The following GALNT15 variants were observed in gnomAD, a reference collection of about 807,000 sequenced individuals.
The protein encoded by GALNT15 is UDP-GalNAc transferase T15.
A neutral mutation model predicts 66.8 loss-of-function variants in GALNT15; 67 were observed. The ratio of observed to expected loss-of-function variants is 1.00; its 90% CI spans 0.82 to 1.23. GALNT15 has a LOEUF of 1.23. Ranked by LOEUF, GALNT15 falls within the 50% of genes most tolerant of loss-of-function variation. The pLI is 0.00. For synonymous variants in GALNT15, 313 were observed against 311.5 expected (o/e 1.00, Z -0.05); for missense variants, 827 against 804.3 (o/e 1.03, Z -0.34).
rs946411305 is a variant in GALNT15 at position 16,219,676 on chromosome 3, A to T, written c.1524+142A>T. ...GGCCTTGGGTCCATCCCGTGCCTCC[A>T]TGCCAGTCTGAGGAAGGTGGCTGAG... On this transcript the variant is annotated intron_variant, in intron 7 of 9. Coordinates refer to ENST00000339732, the MANE Select transcript of GALNT15 (RefSeq NM_054110.5). The surrounding 1 kb of genome is among the most constrained non-coding windows in gnomAD (Gnocchi z 4.3). 3.2e-5 allele frequency: 39 copies of T among 1,227,818 alleles called. No homozygotes were observed. Among genetic ancestry groups the T allele is most frequent in the Non-Finnish European group, 4.2e-5 (37 of 871,568 alleles). The allele number at this position is 1,227,818 out of a possible 1,614,324, so 76.1% of individuals were successfully genotyped here.
chr3:16,244,661 A>G, the GALNT15 span, among the ~76,000 whole-genome samples: 3 of 152,222 alleles, frequency 2.0e-5, no homozygotes, highest in Non-Finnish European at 4.4e-5. Flanking sequence ...CGGCATGTAG[A>G]CAGTGCAAAG....
At chr3:16,236,936 C>G (rs1285657432), downstream of GALNT15, among the ~76,000 whole-genome samples, 1 of 152,174 alleles carries the variant, frequency 6.6e-6, no homozygotes, top group Admixed American at 6.5e-5. Flanking sequence ...GAGTAACTCT[C>G]AGTATCTTAG....
At chr3:16,232,047 A>T, downstream of GALNT15, 1 of 1,233,568 alleles carries the variant, frequency 8.1e-7, no homozygotes, top group Non-Finnish European at 1.1e-6. Flanking sequence ...GAAACTGTTC[A>T]GAGAGGGTGA....
intron 3 of GALNT15, among the ~76,000 whole-genome samples, chr3:16,207,397 G>A (rs1362882191): frequency 6.6e-6 from 1 of 151,434 alleles, no homozygotes; most frequent in African/African-American, 2.4e-5. Flanking sequence ...TATTGGCTAG[G>A]TGGATAGCAG....
intron 9 of GALNT15, among the ~76,000 whole-genome samples, chr3:16,226,517 T>C (rs2064020844): frequency 6.6e-6 from 1 of 152,264 alleles, no homozygotes; most frequent in Non-Finnish European, 1.5e-5. Flanking sequence ...AGCCCCGTCC[T>C]TACATGGCGG....
In GALNT15 at chr3:16,227,588, A is replaced by T; in HGVS notation, c.*88A>T. On this transcript the variant is annotated 3_prime_UTR_variant, in exon 10 of 10. Transcript: ENST00000339732. This position sits in a 1 kb window ranked among gnomAD's most constrained non-coding sequence, Gnocchi z 4.5. ...AGAGCTTATATATTTCATGAAGCTG[A>T]TCCTTTTGTGTGTGTGCTCCTGGTG... The T allele has an allele frequency of 6.2e-7, 1 of 1,607,536 alleles. No individual in the cohort carries two copies.
rs546028680 is a variant in GALNT15 at position 16,200,513 on chromosome 3, G to A, written c.707-106G>A. On this transcript the variant is annotated intron_variant, in intron 2 of 9. Transcript: ENST00000339732. The surrounding 1 kb of genome is among the most constrained non-coding windows in gnomAD (Gnocchi z 4.4). ...AATGTTTTCGGTTCTTAGGACCCAG[G>A]TGCTCACCACAGCTTCCAAAAGAGA... 744 of 841,298 alleles carry A rather than the reference G, an allele frequency of 8.8e-4. No homozygotes were observed. The highest frequency in any genetic ancestry group is 1.2e-3 in the Non-Finnish European group (690 of 572,792). The allele number at this position is 841,298 out of a possible 1,614,324, so 52.1% of individuals were successfully genotyped here.
chr3:16,240,437 CTCAG>C, the GALNT15 span, among the ~76,000 whole-genome samples: 168 of 152,268 alleles, frequency 1.1e-3, no homozygotes, highest in African/African-American at 3.8e-3. Flanking sequence ...TCAGCACAGA[CTCAG>C]TCAGAGTTGA....
At chr3:16,202,108 T>C (rs532401459) in intron 3 of GALNT15, among the ~76,000 whole-genome samples, 1 of 152,262 alleles carries the variant, frequency 6.6e-6, no homozygotes, top group South Asian at 2.1e-4. Flanking sequence ...CCTGGAGACA[T>C]AGGAGTTACC....
At chr3:16,220,667 T>A (rs1430863185) in intron 8 of GALNT15, among the ~76,000 whole-genome samples, 1 of 152,174 alleles carries the variant, frequency 6.6e-6, no homozygotes, top group Non-Finnish European at 1.5e-5. Flanking sequence ...AGTTATCACA[T>A]CCCAAAGGCC....
downstream of GALNT15, among the ~76,000 whole-genome samples, chr3:16,233,126 G>A (rs1426891420): frequency 3.1e-5 from 1 of 31,840 alleles, no homozygotes; most frequent in African/African-American, 1.3e-4. Context: ...AACGGAGTCT[G>A]GCTGTGTCAC....
Position 16,180,660 on chromosome 3 carries a change from G to A in GALNT15, c.539+4970G>A, listed in dbSNP as rs2063460539. Among the ~76,000 whole-genome samples the A allele has an allele frequency of 6.6e-6, 1 of 152,228 alleles. No homozygotes were observed. ...AGAAAGCGAGTGGAGAGCTGGTAGA[G>A]TTTGGGAAGTTTCCACGTAGGAAGC... On this transcript the variant is annotated intron_variant, in intron 1 of 9. Transcript: ENST00000339732. The surrounding 1 kb of genome is among the most constrained non-coding windows in gnomAD (Gnocchi z 5.0).
the GALNT15 span, among the ~76,000 whole-genome samples, chr3:16,244,389 G>A: frequency 6.6e-6 from 1 of 152,228 alleles, no homozygotes; most frequent in Non-Finnish European, 1.5e-5. Flanking sequence ...CATTCCAGGG[G>A]CAGACTCTGC....
At chr3:16,185,606 A>C (rs1478980633) in intron 1 of GALNT15, among the ~76,000 whole-genome samples, 1 of 152,230 alleles carries the variant, frequency 6.6e-6, no homozygotes, top group Admixed American at 6.5e-5. Flanking sequence ...GAAGACCTTA[A>C]GGAATCAGCG....
Position 16,211,276 on chromosome 3 carries a change from TC to T in GALNT15, c.1197+36del, listed in dbSNP as rs1559688014. The T allele has an allele frequency of 7.4e-7, 1 of 1,349,190 alleles. No individual in the cohort carries two copies. The highest frequency in any genetic ancestry group is 1.4e-5 in the African/African-American group (1 of 70,204). The allele number at this position is 1,349,190 out of a possible 1,614,324, so 83.6% of individuals were successfully genotyped here. On this transcript the variant is annotated intron_variant, in intron 5 of 9. Coordinates refer to ENST00000339732, the MANE Select transcript of GALNT15 (RefSeq NM_054110.5). This position sits in a 1 kb window ranked among gnomAD's most constrained non-coding sequence, Gnocchi z 4.3. The stretch of plus-strand genomic sequence containing the variant: ...GGACCAAGGGAGGACAGAGGTGGGA[TC>T]TCTGGAGTGGTGTGTATGGTCACAG...
At chr3:16,220,093 T>C (rs2063926965) in intron 8 of GALNT15, 79 bp downstream of exon 8, 1 of 1,077,200 alleles carries the variant, frequency 9.3e-7, no homozygotes, top group Admixed American at 1.7e-5. Context: ...GGATGCCCCA[T>C]ACTTCCCTTT....
chr3:16,232,471 T>TATAA (rs2064092560), downstream of GALNT15, among the ~76,000 whole-genome samples: 3 of 44,092 alleles, frequency 6.8e-5, no homozygotes, highest in Non-Finnish European at 1.3e-4. Context: ...AATAAATAAA[T>TATAA]ATATATATAT....
At chr3:16,178,481 C>A (rs553676856) in intron 1 of GALNT15, among the ~76,000 whole-genome samples, 9 of 152,214 alleles carry the variant, frequency 5.9e-5, no homozygotes, top group Non-Finnish European at 1.0e-4. Flanking sequence ...TCTCACGGAA[C>A]GGCCGCCAGC....
rs1015136201 is a variant in GALNT15, at chr3:16,203,669, T to G, written c.911+2846T>G. ...TCTTCTGCGTGATGTGACCACATTT[T>G]CATCATCTCTACACCTCATTCATGG... On this transcript the variant is annotated intron_variant, in intron 3 of 9. Transcript: ENST00000339732. This position sits in a 1 kb window ranked among gnomAD's most constrained non-coding sequence, Gnocchi z 6.2. Among the ~76,000 whole-genome samples, 1 of 151,966 alleles carries G rather than the reference T, an allele frequency of 6.6e-6. No homozygotes were observed. The highest frequency in any genetic ancestry group is 2.4e-5 in the African/African-American group (1 of 41,344).
Sources: gnomAD v4.1 joint callset for allele counts (sites outside exome capture counted in the v4.1 genomes callset) on GRCh38, gnomAD v4.1.1 for gene constraint, Gnocchi (gnomAD v3.1) non-coding constraint, MANE v1.5 for transcripts, NCBI Gene and HGNC (gene_info 2026-07-23, HGNC 2026-07-21) for gene names.